SLC38A8: variants seen among roughly 807,000 people sequenced by gnomAD.
The protein encoded by SLC38A8 is solute carrier family 38 member 8, also known as amino acid transporter SLC38A8.
Under a neutral mutation model 46.0 loss-of-function variants are expected in SLC38A8, and 65 were observed. The ratio of observed to expected loss-of-function variants is 1.41; its 90% CI spans 1.16 to 1.74. The LOEUF (loss-of-function observed/expected upper bound fraction) is 1.74, where lower values mean the gene tolerates loss of function less well. Ranked by LOEUF, SLC38A8 falls within the 40% of genes most tolerant of loss-of-function variation. The probability of loss-of-function intolerance (pLI) is 0.00; values close to 1 mark genes in which losing one functional copy is unlikely to be tolerated. For synonymous variants in SLC38A8, 447 were observed against 243.7 expected (o/e 1.83, Z -7.77); for missense variants, 998 against 567.9 (o/e 1.76, Z -7.70).
intron 4 of SLC38A8, 53 bp downstream of exon 4, chr16:84,033,275 C>CACAA: frequency 1.1e-5 from 17 of 1,612,688 alleles, no homozygotes; most frequent in Non-Finnish European, 1.4e-5. Flanking sequence ...GAAACCCTGA[C>CACAA]ACAAACACTC....
intron 7 of SLC38A8, among the ~76,000 whole-genome samples, chr16:84,017,626 C>T (rs758310174): frequency 1.3e-5 from 2 of 152,238 alleles, no homozygotes; most frequent in Non-Finnish European, 2.9e-5. Context: ...CCATCTCACT[C>T]CTACGACATC....
At chr16:84,012,124 C>G (rs1015406298) in intron 10 of SLC38A8, among the ~76,000 whole-genome samples, 5 of 152,180 alleles carry the variant, frequency 3.3e-5, no homozygotes, top group Non-Finnish European at 5.9e-5. Flanking sequence ...CCACCATGCC[C>G]CAATTTATGG....
intron 6 of SLC38A8, among the ~76,000 whole-genome samples, chr16:84,026,525 C>A (rs1023787522): frequency 2.0e-5 from 3 of 152,212 alleles, no homozygotes; most frequent in Admixed American, 6.5e-5. Flanking sequence ...CCGTGCCCAG[C>A]CTCTACTGGT....
At chr16:84,013,490 G>A (rs1170924977) in intron 9 of SLC38A8, among the ~76,000 whole-genome samples, 1 of 139,460 alleles carries the variant, frequency 7.2e-6, no homozygotes, top group Non-Finnish European at 1.5e-5. Flanking sequence ...GAGTGCAGTG[G>A]CACCATCTCG....
In SLC38A8 at chr16:84,033,351, C is replaced by G. The variant is rs770833872; in HGVS notation, c.507G>C (p.Glu169Asp). The change falls in exon 4 of 11, where the codon GAG becomes GAC. Residue 169 changes from glutamate to aspartate, a missense_variant. Coordinates refer to ENST00000299709, the MANE Select transcript of SLC38A8 (RefSeq NM_001080442.3). ...LVILPLSAPR[E>D]IAFQKYTSIL... ...ACCTTGTGTATTTCTGGAAGGCGAT[C>G]TCCCGCGGGGCAGACAGGGGCAGGA... The G allele has an allele frequency of 5.0e-6, 8 of 1,613,988 alleles. No homozygotes were observed. The highest frequency in any genetic ancestry group is 5.9e-6 in the Non-Finnish European group (7 of 1,180,010).
chr16:84,032,518 G>A (rs370867614), intron 4 of SLC38A8, among the ~76,000 whole-genome samples: 13 of 152,136 alleles, frequency 8.5e-5, no homozygotes, highest in African/African-American at 2.7e-4. Flanking sequence ...GGCGCCCTTC[G>A]GGATGGCAGC....
At chr16:84,032,346 G>C (rs1365704662) in intron 4 of SLC38A8, among the ~76,000 whole-genome samples, 2 of 152,090 alleles carry the variant, frequency 1.3e-5, no homozygotes, top group African/African-American at 4.8e-5. Flanking sequence ...CCGCCCCCAC[G>C]CCTCGCTAAT....
At chr16:84,023,637 T>C (rs1255086981) in intron 6 of SLC38A8, among the ~76,000 whole-genome samples, 1 of 152,228 alleles carries the variant, frequency 6.6e-6, no homozygotes, top group African/African-American at 2.4e-5. Context: ...CTCGCACCTG[T>C]CACCCCAGCA....
intron 5 of SLC38A8, among the ~76,000 whole-genome samples, chr16:84,030,613 T>C (rs2085226524): frequency 6.6e-6 from 1 of 152,060 alleles, no homozygotes; most frequent in Admixed American, 6.6e-5. Context: ...TCCTCTCTAA[T>C]CCAGGAAACA....
intron 5 of SLC38A8, among the ~76,000 whole-genome samples, 198 bp from the exon 6 acceptor site, chr16:84,029,749 C>T (rs914142237): frequency 2.6e-5 from 4 of 152,188 alleles, no homozygotes; most frequent in Non-Finnish European, 2.9e-5. Flanking sequence ...TTTCTAAATA[C>T]GTCTTTGCTG....
At chr16:84,016,419 C>A in intron 9 of SLC38A8, 100 bp downstream of exon 9, 5 of 1,384,598 alleles carry the variant, frequency 3.6e-6, no homozygotes, top group Non-Finnish European at 4.9e-6. Flanking sequence ...CCATATGTGG[C>A]TCCCACCTTC....
At chr16:84,024,326 T>G (rs2085134950) in intron 6 of SLC38A8, among the ~76,000 whole-genome samples, 1 of 152,126 alleles carries the variant, frequency 6.6e-6, no homozygotes, top group South Asian at 2.1e-4. Flanking sequence ...ACTGTATATG[T>G]GACATGCCAT....
At chr16:84,032,740 A>C (rs562142684) in intron 4 of SLC38A8, among the ~76,000 whole-genome samples, 21 of 152,336 alleles carry the variant, frequency 1.4e-4, no homozygotes. Context: ...GTTCATACAC[A>C]ACAGGGAAAA....
rs1453056215 is a variant in SLC38A8, at chr16:84,016,550, G to A, written c.1131C>T (p.Gly377=). ...DLSEIVSIIG[G]ISSFFIFIFP... is the part of the protein sequence containing the mutation. ...AGATGAAGATGAAGAAGGAACTGAT[G>A]CCTCCGATGATGCTGACGATCTCGC... Residue 377 remains glycine, a synonymous_variant, in exon 9 of 11, where the codon GGC becomes GGT. Coordinates refer to ENST00000299709, the MANE Select transcript of SLC38A8 (RefSeq NM_001080442.3). 2.5e-6 allele frequency: 4 copies of A among 1,614,104 alleles called. No individual in the cohort carries two copies. Among genetic ancestry groups the A allele is most frequent in the South Asian group, 2.2e-5 (2 of 91,082 alleles).
At chr16:84,013,353 G>C (rs1168231503) in intron 9 of SLC38A8, among the ~76,000 whole-genome samples, 1 of 151,390 alleles carries the variant, frequency 6.6e-6, no homozygotes, top group Non-Finnish European at 1.5e-5. Flanking sequence ...GAGATGGTGA[G>C]AGTCCATGCC....
chr16:84,013,064 A>T lies in SLC38A8; in HGVS notation c.1163-12T>A. ...GATGAGGCACAAACCTGCAAAAAAG[A>T]CAGGGTCACCCACAGTTCTTCGTTA... On this transcript the variant is annotated splice_polypyrimidine_tract_variant and intron_variant, in intron 9 of 10. Transcript: ENST00000299709. 6.2e-7 allele frequency: 1 copy of T among 1,614,088 alleles called. No individual in the cohort carries two copies. The highest frequency in any genetic ancestry group is 8.5e-7 in the Non-Finnish European group (1 of 1,179,940).
rs1264151343 is a variant in SLC38A8, at chr16:84,029,553, T to G, written c.633-2A>C. 9 of 1,613,936 alleles carry G rather than the reference T, an allele frequency of 5.6e-6. No individual in the cohort carries two copies. The highest frequency in any genetic ancestry group is 5.3e-5 in the African/African-American group (4 of 74,920). ...AACACAGAGGTCCAGGAGGCAGGGC[T>G]GTAAACAGACAAGAACAGGAGTTTA... is the stretch of plus-strand genomic sequence containing the variant. On this transcript the variant is annotated splice_acceptor_variant, in intron 5 of 10. Transcript: ENST00000299709. LOFTEE classifies it high-confidence loss of function.
intron 3 of SLC38A8, among the ~76,000 whole-genome samples, chr16:84,033,853 G>A (rs1347728524): frequency 6.6e-6 from 1 of 152,198 alleles, no homozygotes; most frequent in Non-Finnish European, 1.5e-5. Context: ...TTTGGCCACC[G>A]TGCCGTCAGC....
chr16:84,026,261 G>A (rs529649098), intron 6 of SLC38A8, among the ~76,000 whole-genome samples: 6 of 152,262 alleles, frequency 3.9e-5, no homozygotes, highest in Admixed American at 6.5e-5. Context: ...ACAGAGTCTC[G>A]CTCCATCGCC....
Sources: allele counts gnomAD v4.1 joint callset (sites outside exome capture counted in the v4.1 genomes callset), GRCh38; gene constraint gnomAD v4.1.1; transcripts MANE v1.5; gene names NCBI Gene and HGNC (gene_info 2026-07-23, HGNC 2026-07-21).